The following HNRNPU variants were observed in gnomAD, a reference collection of about 807,000 sequenced individuals.
The protein encoded by HNRNPU is heterogeneous nuclear ribonucleoprotein U.
In HNRNPU, 5 loss-of-function variants were observed where a neutral mutation model predicts 94.7. That is an observed-to-expected ratio of 0.05 (90% CI 0.03 to 0.11). HNRNPU has a LOEUF of 0.11. Ranked by LOEUF, HNRNPU falls within the 10% of genes least tolerant of loss-of-function variation. HNRNPU has a pLI of 1.00. For missense variants in HNRNPU, 710 were observed against 1,049.2 expected (o/e 0.68, Z 4.47); for synonymous variants, 434 against 381.6 (o/e 1.14, Z -1.60).
rs1322469357 is a variant in HNRNPU at position 244,863,642 on chromosome 1, G to A, written c.666C>T (p.Gly222=). The change falls in exon 1 of 14, where the codon GGC becomes GGT. Residue 222 remains glycine, a synonymous_variant. Coordinates refer to ENST00000640218, the MANE Select transcript of HNRNPU (RefSeq NM_031844.3). The stretch of plus-strand genomic sequence containing the variant: ...CCGCCGCCGGAGCCCCGGGGCGACC[G>A]CCGCCTCCGCCGCCTTCCGCCTTCT... ...GKKKAEGGGG[G]GRPGAPAAGD... 6.5e-7 allele frequency: 1 copy of A among 1,544,810 alleles called. No homozygotes were observed. The highest frequency in any genetic ancestry group is 2.5e-5 in the East Asian group (1 of 39,864).
At position 244,863,537 on chromosome 1, in the gene HNRNPU, C is replaced by T. The variant is rs1040921017; in HGVS notation, c.691+80G>A. 4 of 1,271,222 alleles carry T rather than the reference C, an allele frequency of 3.1e-6. No homozygotes were observed. The African/African-American group carries it at 6.3e-5, about 20-fold the overall frequency. The allele number at this position is 1,271,222 out of a possible 1,614,324, so 78.7% of individuals were successfully genotyped here. A position where few individuals can be genotyped will look rare whatever the true frequency, so the allele number is the denominator to read the frequency against. ...TCCCGCCCGGGGCTCCCTCCCCCTGCGGGGCTCCGGCAGGCCTGGGGCACG... is the reference window on the plus strand; with the variant it reads ...TCCCGCCCGGGGCTCCCTCCCCCTGTGGGGCTCCGGCAGGCCTGGGGCACG... On this transcript the variant is annotated intron_variant, in intron 1 of 13. Coordinates refer to ENST00000640218, the MANE Select transcript of HNRNPU (RefSeq NM_031844.3).
In HNRNPU at chr1:244,858,306, A is replaced by T. The variant is rs560247102; in HGVS notation, c.1231-32T>A. 4.4e-6 allele frequency: 7 copies of T among 1,592,370 alleles called. No homozygotes were observed. In the African/African-American group the frequency reaches 6.8e-5, roughly 15 times the overall value. On this transcript the variant is annotated intron_variant, in intron 6 of 13. Coordinates refer to ENST00000640218, the MANE Select transcript of HNRNPU (RefSeq NM_031844.3). ...CACAGAAAAAAATTCAACAGTTAAA[A>T]TCTGCTTCCTTAAACTTTCTAAAAA... is the stretch of plus-strand genomic sequence containing the variant.
chr1:244,863,414 A>ACG (rs1341173453), intron 1 of HNRNPU, among the ~76,000 whole-genome samples: 7 of 143,340 alleles, frequency 4.9e-5, no homozygotes, highest in South Asian at 4.5e-4. Flanking sequence ...ACACACACAC[A>ACG]CACACACGCG....
chr1:244,860,879 C>T (rs1029804136), intron 3 of HNRNPU: 1 of 203,592 alleles, frequency 4.9e-6, no homozygotes, highest in African/African-American at 2.3e-5. Flanking sequence ...AGGGAGGCCA[C>T]GACCAAATTA....
At chr1:244,863,544 C>G in intron 1 of HNRNPU, 73 bp downstream of exon 1, 1 of 1,275,048 alleles carries the variant, frequency 7.8e-7, no homozygotes, top group Non-Finnish European at 9.8e-7. Context: ...CTGCGGGGCT[C>G]CGGCAGGCCT....
intron 12 of HNRNPU, 116 bp from the exon 13 acceptor site, chr1:244,855,160 G>C: frequency 1.3e-6 from 1 of 774,786 alleles, no homozygotes; most frequent in Non-Finnish European, 2.2e-6. Flanking sequence ...TAGGTAGCAA[G>C]CAATACACAA....
Position 244,863,742 on chromosome 1 carries a change from C to A in HNRNPU, c.566G>T (p.Gly189Val). The A allele has an allele frequency of 6.3e-7, 1 of 1,577,488 alleles. No homozygotes were observed. Among genetic ancestry groups the A allele is most frequent in the Non-Finnish European group, 8.6e-7 (1 of 1,166,276 alleles). Residue 189 changes from glycine to valine, a missense_variant, in exon 1 of 14, where the codon GGC becomes GTC. By Grantham distance (109) the Gly-to-Val change is moderately radical. Around this residue, in one of 8 missense-constraint regions of HNRNPU, gnomAD observed 292 missense variants for 293.4 expected, o/e 1.00. Transcript: ENST00000640218. ...CGTCACCGCGAACAGCGAGGTGGGG[C>A]CGCTGCTCTTCCCCGCGGCCTCCTT... ...AAKEAAGKSS[G>V]PTSLFAVTVA...
rs1271930045 is a variant in HNRNPU at position 244,850,410 on chromosome 1, G to A, written c.*4040C>T. On this transcript the variant is annotated 3_prime_UTR_variant, in exon 14 of 14. Transcript: ENST00000640218. ...GCAGCCTATGTAACTACCAACTCAA[G>A]CACTAACACTAGCTAGATCACCTTC... The A allele has an allele frequency of 6.6e-6, 1 of 151,742 alleles. No homozygotes were observed. The highest frequency in any genetic ancestry group is 1.5e-5 in the Non-Finnish European group (1 of 67,982). The allele number at this position is 151,742 out of a possible 1,614,324, so 9.4% of individuals were successfully genotyped here. A position where few individuals can be genotyped will look rare whatever the true frequency, so the allele number is the denominator to read the frequency against.
At position 244,855,905 on chromosome 1, in the gene HNRNPU, T is replaced by C. The variant is rs140234240; in HGVS notation, c.2166A>G (p.Gly722=). The change falls in exon 11 of 14, where the codon GGA becomes GGG. Residue 722 remains glycine, a splice_region_variant and synonymous_variant. Coordinates refer to ENST00000640218, the MANE Select transcript of HNRNPU (RefSeq NM_031844.3). ...ACAGAACACTCAAAATTAACTTGCC[T>C]CCTCCTCTGAAATTTCCACCACGCA... is the stretch of plus-strand genomic sequence containing the variant. The part of the protein sequence containing the change: ...FNMRGGNFRG[G]APGNRGGYNR... The C allele has an allele frequency of 1.2e-6, 2 of 1,611,160 alleles. No individual in the cohort carries two copies. The highest frequency in any genetic ancestry group is 2.2e-5 in the East Asian group (1 of 44,864).
intron 3 of HNRNPU, 47 bp downstream of exon 3, chr1:244,862,414 A>AAC (rs1553283357): frequency 6.3e-5 from 82 of 1,297,974 alleles, no homozygotes; most frequent in South Asian, 1.3e-4. Context: ...AAAAAAAAAA[A>AAC]CCACCATCAC....
In HNRNPU at chr1:244,857,529, GA is replaced by G. The variant is rs1434713641; in HGVS notation, c.1614+68del. 4.0e-6 allele frequency: 6 copies of G among 1,507,372 alleles called. No homozygotes were observed. In the African/African-American group the frequency reaches 8.3e-5, roughly 21 times the overall value. 93.4% of individuals were successfully genotyped at this position (1,507,372 alleles called of 1,614,324 possible). On this transcript the variant is annotated intron_variant, in intron 8 of 13. Coordinates refer to ENST00000640218, the MANE Select transcript of HNRNPU (RefSeq NM_031844.3). ...CTCAAAATGCTGAGATTACAGGCGT[GA>G]ACCACCATGCCCAGCCTCTCCCAGT...
At position 244,863,665 on chromosome 1, in the gene HNRNPU, T is replaced by C. The variant is rs568060313; in HGVS notation, c.643A>G (p.Lys215Glu). 1.2e-5 allele frequency: 19 copies of C among 1,558,864 alleles called. No homozygotes were observed. Among genetic ancestry groups the C allele is most frequent in the African/African-American group, 7.1e-5 (5 of 70,624 alleles). Residue 215 changes from lysine to glutamate, a missense_variant, in exon 1 of 14, where the codon AAG (lysine) becomes GAG (glutamate). By Grantham distance (56) the Lys-to-Glu change is moderately conservative. Around this residue, in one of 8 missense-constraint regions of HNRNPU, gnomAD observed 292 missense variants for 293.4 expected, o/e 1.00. Coordinates refer to ENST00000640218, the MANE Select transcript of HNRNPU (RefSeq NM_031844.3). ...QGQQQAGGKK[K>E]AEGGGGGGRP... is the part of the protein sequence containing the mutation. ...CCGCCGCCTCCGCCGCCTTCCGCCT[T>C]CTTCTTACCTCCCGCCTGCTGCTGG...
intron 12 of HNRNPU, 62 bp from the exon 13 acceptor site, chr1:244,855,106 TGA>T: frequency 7.5e-7 from 1 of 1,341,564 alleles, no homozygotes; most frequent in Non-Finnish European, 1.1e-6. Context: ...TTTGTGGGGG[TGA>T]GAGAGAGGAG....
chr1:244,858,194 T>TTCC lies in HNRNPU; in HGVS notation c.1308_1310dup (p.Glu437dup). ...GGAACAGTGGCCGTCCAGCAAGAAC[T>TTCC]TCCTTACTGATTTTGAAGGCAACGC... is the stretch of plus-strand genomic sequence containing the variant. On this transcript the variant is annotated inframe_insertion, in exon 7 of 14. Transcript: ENST00000640218. 6.2e-7 allele frequency: 1 copy of TTCC among 1,614,078 alleles called. No homozygotes were observed. The highest frequency in any genetic ancestry group is 8.5e-7 in the Non-Finnish European group (1 of 1,179,928).
Position 244,862,455 on chromosome 1 carries a change from A to T in HNRNPU, c.877+6T>A, listed in dbSNP as rs1680863310. 1 of 1,593,636 alleles carries T rather than the reference A, an allele frequency of 6.3e-7. No individual in the cohort carries two copies. Among genetic ancestry groups the T allele is most frequent in the Non-Finnish European group, 8.6e-7 (1 of 1,165,272 alleles). ...TTCATAATTGGGGAGAAACAGCTTC[A>T]CTTACAAGTATCAAGACAAACCACT... is the stretch of plus-strand genomic sequence containing the variant. On this transcript the variant is annotated splice_donor_region_variant and intron_variant, in intron 3 of 13. Coordinates refer to ENST00000640218, the MANE Select transcript of HNRNPU (RefSeq NM_031844.3).
At chr1:244,860,513 A>G (rs1680797906) in intron 3 of HNRNPU, 39 bp from the exon 4 acceptor site, 1 of 1,531,750 alleles carries the variant, frequency 6.5e-7, no homozygotes, top group Non-Finnish European at 9.0e-7. Flanking sequence ...TTTGACATCC[A>G]ATGTAAACAT....
At position 244,855,550 on chromosome 1, in the gene HNRNPU, GCCA is replaced by G. The variant is rs1558186011; in HGVS notation, c.2223_2225del (p.Gly745del). 1 of 1,613,880 alleles carries G rather than the reference GCCA, an allele frequency of 6.2e-7. No individual in the cohort carries two copies. On this transcript the variant is annotated inframe_deletion, in exon 12 of 14. Coordinates refer to ENST00000640218, the MANE Select transcript of HNRNPU (RefSeq NM_031844.3). ...AGCCGATTCCACCACTTCCTCCACCGCCACCACCTCTCTGTGGCATGTTGCCCC... is the reference window on the plus strand; with the variant it reads ...AGCCGATTCCACCACTTCCTCCACCGCCACCTCTCTGTGGCATGTTGCCCC...
At position 244,851,282 on chromosome 1, in the gene HNRNPU, T is replaced by C. The variant is rs1680542669; in HGVS notation, c.*3168A>G. On this transcript the variant is annotated 3_prime_UTR_variant, in exon 14 of 14. Coordinates refer to ENST00000640218, the MANE Select transcript of HNRNPU (RefSeq NM_031844.3). ...TTTTAAAAATCAAATATACAAGATCTACAATTATTTATATCCAAGATGTCT... is the reference window on the plus strand; with the variant it reads ...TTTTAAAAATCAAATATACAAGATCCACAATTATTTATATCCAAGATGTCT... 6.6e-6 allele frequency: 1 copy of C among 152,248 alleles called. No homozygotes were observed. Among genetic ancestry groups the C allele is most frequent in the Non-Finnish European group, 1.5e-5 (1 of 68,044 alleles). 9.4% of individuals were successfully genotyped at this position (152,248 alleles called of 1,614,324 possible).
At chr1:244,857,970 A>G in intron 7 of HNRNPU, 41 bp downstream of exon 7, 5 of 1,551,764 alleles carry the variant, frequency 3.2e-6, no homozygotes, top group Non-Finnish European at 4.3e-6. Context: ...CCAGGCAAGC[A>G]ATATTCAAAT....
Sources: gnomAD v4.1 joint callset for allele counts (sites outside exome capture counted in the v4.1 genomes callset) on GRCh38, gnomAD v4.1.1 for gene constraint, gnomAD v4.1.1 regional missense constraint, MANE v1.5 for transcripts, NCBI Gene and HGNC (gene_info 2026-07-23, HGNC 2026-07-21) for gene names.